The following CELSR1 variants were observed in gnomAD, a reference collection of about 807,000 sequenced individuals.
The protein encoded by CELSR1 is cadherin EGF LAG seven-pass G-type receptor 1.
Under a neutral mutation model 249.1 loss-of-function variants are expected in CELSR1, and 110 were observed. That is an observed-to-expected ratio of 0.44 (90% confidence interval 0.38 to 0.52). The LOEUF is 0.52. Among genes scored for constraint, CELSR1 ranks in the 20% least tolerant of loss-of-function variants. The pLI is 0.00. For synonymous variants in CELSR1, 2,113 were observed against 1,900.0 expected (o/e 1.11, Z -2.92); for missense variants, 4,109 against 4,296.4 (o/e 0.96, Z 1.22).
chr22:46,391,162 T>C lies in CELSR1; in HGVS notation c.6250+24A>G. The C allele has an allele frequency of 2.5e-6, 4 of 1,597,250 alleles. No individual in the cohort carries two copies. Among genetic ancestry groups the C allele is most frequent in the Non-Finnish European group, 3.4e-6 (4 of 1,167,992 alleles). On this transcript the variant is annotated intron_variant, in intron 16 of 34. Coordinates refer to ENST00000674500, the MANE Select transcript of CELSR1 (RefSeq NM_001378328.1). The surrounding 1 kb of genome is among the most constrained non-coding windows in gnomAD (Gnocchi z 4.3). ...CACAAGGACGCCTGCCTCAGTTCCC[T>C]ACACACAGGCCACGGCGACTCACCA...
Position 46,396,835 on chromosome 22 carries a change from G to T in CELSR1, c.5702-89C>A, listed in dbSNP as rs947673586. On this transcript the variant is annotated intron_variant, in intron 12 of 34. Transcript: ENST00000674500. This position sits in a 1 kb window ranked among gnomAD's most constrained non-coding sequence, Gnocchi z 6.4. ...CTGGAGCAACCTGTCCCCTCCAGAA[G>T]ATCTGACTTTCCCTGGTACTCAGCA... 9 of 1,507,482 alleles carry T rather than the reference G, an allele frequency of 6.0e-6. No homozygotes were observed. The African/African-American group carries it at 9.7e-5, about 16-fold the overall frequency. 93.4% of individuals were successfully genotyped at this position (1,507,482 alleles called of 1,614,324 possible).
At chr22:46,425,694 T>G (rs994907856) in intron 5 of CELSR1, among the ~76,000 whole-genome samples, 1 of 117,960 alleles carries the variant, frequency 8.5e-6, no homozygotes, top group Non-Finnish European at 2.0e-5. Context: ...TCCCCCGCTT[T>G]GAAAAGATTT....
Position 46,413,224 on chromosome 22 carries a change from A to C in CELSR1, c.4612-1465T>G, listed in dbSNP as rs1488008038. Reference sequence around the variant, plus strand: ...CAAAAATAAATCTTCAGTTTTTAATAGGAACAAAGTATCTATTTTGATCAG... The same window carrying C: ...CAAAAATAAATCTTCAGTTTTTAATCGGAACAAAGTATCTATTTTGATCAG... On this transcript the variant is annotated intron_variant, in intron 5 of 34. Transcript: ENST00000674500. This position sits in a 1 kb window ranked among gnomAD's most constrained non-coding sequence, Gnocchi z 4.7. 6.6e-6 allele frequency among the ~76,000 whole-genome samples: 1 copy of C among 152,264 alleles called. No individual in the cohort carries two copies. Among genetic ancestry groups the C allele is most frequent in the Non-Finnish European group, 1.5e-5 (1 of 68,046 alleles).
rs1428190945 is a variant in CELSR1, at chr22:46,362,114, A to G, written c.*1109T>C. The G allele has an allele frequency of 6.6e-6, 1 of 152,266 alleles. No homozygotes were observed. Among genetic ancestry groups the G allele is most frequent in the Non-Finnish European group, 1.5e-5 (1 of 68,056 alleles). The allele number at this position is 152,266 out of a possible 1,614,324, so 9.4% of individuals were successfully genotyped here. The stretch of plus-strand genomic sequence containing the variant: ...TGGCAGGAGGTATGTAACGGCCTGG[A>G]AGGCCCCACACCTCTGTCCAAATCA... On this transcript the variant is annotated 3_prime_UTR_variant, in exon 35 of 35. Transcript: ENST00000674500.
rs2079555875 is a variant in CELSR1 at position 46,428,123 on chromosome 22, C to T, written c.4611+5270G>A. ...AATCTCAAAGCACTTACATCCTCTGCTCAACAGAAGCAGAGGCCGGTCCTC... is the reference window on the plus strand; with the variant it reads ...AATCTCAAAGCACTTACATCCTCTGTTCAACAGAAGCAGAGGCCGGTCCTC... On this transcript the variant is annotated intron_variant, in intron 5 of 34. Transcript: ENST00000674500. This position sits in a 1 kb window ranked among gnomAD's most constrained non-coding sequence, Gnocchi z 5.7. 6.6e-6 allele frequency among the ~76,000 whole-genome samples: 1 copy of T among 152,204 alleles called. No individual in the cohort carries two copies. Among genetic ancestry groups the T allele is most frequent in the Non-Finnish European group, 1.5e-5 (1 of 68,036 alleles).
chr22:46,364,596 T>C lies in CELSR1; in HGVS notation c.8695A>G (p.Ser2899Gly), dbSNP rs144922813. Residue 2899 changes from serine to glycine, a missense_variant, in exon 33 of 35, where the codon AGT (serine) becomes GGT (glycine). By Grantham distance (56) the Ser-to-Gly change is moderately conservative (BLOSUM62 0). This residue lies in a region of CELSR1 where 1,805 missense variants were observed against 1,831.6 expected (regional missense o/e 0.99). Transcript: ENST00000674500. ...SVELHREEQG[S>G]HRGEYPPDQE... ...TCCGGGGGGTACTCTCCACGGTGAC[T>C]GCCCTGCTCCTCGCGGTGCAGCTCC... The C allele has an allele frequency of 6.2e-6, 10 of 1,612,692 alleles. No homozygotes were observed. The highest frequency in any genetic ancestry group is 6.8e-6 in the Non-Finnish European group (8 of 1,179,906).
At chr22:46,469,397 C>A (rs1018688997) in intron 1 of CELSR1, among the ~76,000 whole-genome samples, 3 of 152,242 alleles carry the variant, frequency 2.0e-5, no homozygotes, top group Non-Finnish European at 4.4e-5. Context: ...ACTGGCTACA[C>A]CCCTGGGTCC....
rs374242625 is a variant in CELSR1, at chr22:46,535,031, G to C, written c.2140C>G (p.Arg714Gly). ...SSVLTLQARD[R>G]DANSVITYQL... ...TAGGTAATCACACTGTTGGCGTCAC[G>C]GTCGCGGGCCTGCAGGGTCAGCACG... Residue 714 changes from arginine to glycine, a missense_variant, in exon 1 of 35, where the codon CGT (arginine) becomes GGT (glycine). Physicochemically the swap from Arg to Gly is moderately radical, Grantham distance 125. Transcript: ENST00000674500. 1.9e-6 allele frequency: 3 copies of C among 1,612,462 alleles called. No homozygotes were observed. The highest frequency in any genetic ancestry group is 1.7e-5 in the Admixed American group (1 of 60,006).
In CELSR1 at chr22:46,413,981, A is replaced by G. The variant is rs1260541764; in HGVS notation, c.4612-2222T>C. 6.6e-6 allele frequency among the ~76,000 whole-genome samples: 1 copy of G among 152,230 alleles called. No homozygotes were observed. Among genetic ancestry groups the G allele is most frequent in the East Asian group, 1.9e-4 (1 of 5,202 alleles). Reference sequence around the variant, plus strand: ...GGGAAGGCTTTCATGACATTAAGCTACTGTTTACAAAACTGCAGTTGCTGT... The same window carrying G: ...GGGAAGGCTTTCATGACATTAAGCTGCTGTTTACAAAACTGCAGTTGCTGT... On this transcript the variant is annotated intron_variant, in intron 5 of 34. Transcript: ENST00000674500. This position sits in a 1 kb window ranked among gnomAD's most constrained non-coding sequence, Gnocchi z 4.7.
chr22:46,445,740 A>G lies in CELSR1; in HGVS notation c.4184-6329T>C, dbSNP rs9627462. The stretch of plus-strand genomic sequence containing the variant: ...GCCTCTGCAAACCCGGTGCCCCGAG[A>G]GCAGCAGCGCCTGGCTGGCAGAGCC... On this transcript the variant is annotated intron_variant, in intron 2 of 34. Coordinates refer to ENST00000674500, the MANE Select transcript of CELSR1 (RefSeq NM_001378328.1). The surrounding 1 kb of genome is among the most constrained non-coding windows in gnomAD (Gnocchi z 4.4). Among the ~76,000 whole-genome samples, 2,218 of 152,184 alleles carry G rather than the reference A, an allele frequency of 0.015. 48 individuals carry two copies. Among genetic ancestry groups the G allele is most frequent in the African/African-American group, 0.051 (2,103 of 41,522 alleles).
At chr22:46,461,502 T>C (rs1300541260) in intron 2 of CELSR1, among the ~76,000 whole-genome samples, 5 of 152,188 alleles carry the variant, frequency 3.3e-5, no homozygotes, top group Non-Finnish European at 7.3e-5. Context: ...CAGCCTGGAC[T>C]GGCGGCCTGG....
chr22:46,481,782 ATCTT>A (rs1468555823), intron 1 of CELSR1: 1 of 374,736 alleles, frequency 2.7e-6, no homozygotes, highest in Non-Finnish European at 5.0e-6. Flanking sequence ...ACTTTTCTAA[ATCTT>A]TTTTTTTTTT....
Position 46,440,191 on chromosome 22 carries a change from G to A in CELSR1, c.4184-780C>T, listed in dbSNP as rs1022809851. Reference sequence around the variant, plus strand: ...GGAGTGCTAAGAACCTCATCTGCTCGGAGGGTCTCAGTGTTCGCCATGCTT... The same window carrying A: ...GGAGTGCTAAGAACCTCATCTGCTCAGAGGGTCTCAGTGTTCGCCATGCTT... On this transcript the variant is annotated intron_variant, in intron 2 of 34. Coordinates refer to ENST00000674500, the MANE Select transcript of CELSR1 (RefSeq NM_001378328.1). The surrounding 1 kb of genome is among the most constrained non-coding windows in gnomAD (Gnocchi z 4.7). 5.3e-5 allele frequency among the ~76,000 whole-genome samples: 8 copies of A among 152,076 alleles called. No homozygotes were observed. The highest frequency in any genetic ancestry group is 9.7e-5 in the African/African-American group (4 of 41,410).
rs925352381 is a variant in CELSR1, at chr22:46,393,250, T to C, written c.5964+892A>G. 2.0e-5 allele frequency among the ~76,000 whole-genome samples: 3 copies of C among 152,192 alleles called. No individual in the cohort carries two copies. Among genetic ancestry groups the C allele is most frequent in the Non-Finnish European group, 4.4e-5 (3 of 68,026 alleles). ...CACGAAGATCCTGAAGGAGGTGATG[T>C]ATCCTGAGAGGGCTGGGGAGGGGTC... On this transcript the variant is annotated intron_variant, in intron 14 of 34. Transcript: ENST00000674500. This position sits in a 1 kb window ranked among gnomAD's most constrained non-coding sequence, Gnocchi z 4.1.
At chr22:46,435,534 G>A (rs974260913) in intron 4 of CELSR1, among the ~76,000 whole-genome samples, 1 of 151,460 alleles carries the variant, frequency 6.6e-6, no homozygotes, top group Admixed American at 6.6e-5. Context: ...TGCCTGCCTC[G>A]GCCTCCCAAA....
At chr22:46,376,343 G>A (rs900803130) in intron 24 of CELSR1, among the ~76,000 whole-genome samples, 4 of 152,112 alleles carry the variant, frequency 2.6e-5, no homozygotes, top group East Asian at 1.9e-4. Flanking sequence ...ATTCTCTAAC[G>A]GTGAGAGGAC....
chr22:46,442,981 C>T (rs1214235485), intron 2 of CELSR1, among the ~76,000 whole-genome samples: 1 of 151,962 alleles, frequency 6.6e-6, no homozygotes, highest in East Asian at 1.9e-4. Flanking sequence ...GCCTGTAGTC[C>T]CAGCTACTCA....
chr22:46,513,891 C>CA (rs1852949517), intron 1 of CELSR1, among the ~76,000 whole-genome samples: 1 of 151,394 alleles, frequency 6.6e-6, no homozygotes, highest in South Asian at 2.1e-4. Context: ...TCCCGGGGTT[C>CA]ACGCCATTCT....
intron 5 of CELSR1, among the ~76,000 whole-genome samples, chr22:46,416,227 G>A (rs1250152449): frequency 6.6e-6 from 1 of 152,230 alleles, no homozygotes; most frequent in Non-Finnish European, 1.5e-5. Context: ...GGGGCCACAG[G>A]GTTGTGTCTG....
Sources: allele counts gnomAD v4.1 joint callset (sites outside exome capture counted in the v4.1 genomes callset), GRCh38; gene constraint gnomAD v4.1.1; regional missense constraint gnomAD v4.1.1; non-coding constraint Gnocchi (gnomAD v3.1); transcripts MANE v1.5; gene names NCBI Gene and HGNC (gene_info 2026-07-23, HGNC 2026-07-21).